Variants in BICD1 observed in about 807,000 individuals in gnomAD.
BICD1 encodes the protein protein bicaudal D homolog 1.
A neutral mutation model predicts 92.5 loss-of-function variants in BICD1; 35 were observed. That is an observed-to-expected ratio of 0.38 (90% CI 0.29 to 0.50). BICD1 has a LOEUF of 0.50. Ranked by LOEUF, BICD1 falls within the 20% of genes least tolerant of loss-of-function variation. The pLI is 0.93. For synonymous variants in BICD1, 429 were observed against 465.1 expected (o/e 0.92, Z 1.00); for missense variants, 950 against 1,189.8 (o/e 0.80, Z 2.97).
At chr12:32,236,872 CT>C (rs57318640) in intron 2 of BICD1, among the ~76,000 whole-genome samples, 14,780 of 89,246 alleles carry the variant, frequency 0.17, 621 homozygotes, top group African/African-American at 0.26. Flanking sequence ...AAGTCTAATT[CT>C]TTTTTTTTTT....
intron 1 of BICD1, among the ~76,000 whole-genome samples, chr12:32,145,260 A>G (rs530156427): frequency 6.6e-6 from 1 of 152,320 alleles, no homozygotes; most frequent in East Asian, 1.9e-4. Context: ...GTCACAGGGA[A>G]GGCTCTGTGA....
intron 3 of BICD1, among the ~76,000 whole-genome samples, chr12:32,295,656 C>CTT (rs142531197): frequency 0.013 from 1,765 of 140,642 alleles, 33 homozygotes; most frequent in African/African-American, 0.037. Context: ...AATTTGATTT[C>CTT]TTTTTTTTTT....
At chr12:32,267,833 T>C (rs906194501) in intron 2 of BICD1, among the ~76,000 whole-genome samples, 4 of 152,228 alleles carry the variant, frequency 2.6e-5, no homozygotes, top group African/African-American at 9.6e-5. Context: ...AGACAGGGTC[T>C]AACTCTGTTG....
At chr12:32,242,555 A>T (rs1359984061) in intron 2 of BICD1, among the ~76,000 whole-genome samples, 1 of 152,162 alleles carries the variant, frequency 6.6e-6, no homozygotes, top group East Asian at 1.9e-4. Context: ...TCACAAAAGA[A>T]AAATTGTATT....
intron 2 of BICD1, among the ~76,000 whole-genome samples, chr12:32,266,487 A>G (rs905181388): frequency 1.3e-5 from 2 of 152,166 alleles, no homozygotes; most frequent in Admixed American, 6.5e-5. Context: ...CCACAACATC[A>G]TCTAAAAGCA....
At chr12:32,321,097 G>T (rs1355485621) in intron 4 of BICD1, among the ~76,000 whole-genome samples, 1 of 152,126 alleles carries the variant, frequency 6.6e-6, no homozygotes, top group Admixed American at 6.5e-5. Flanking sequence ...AGGCCAAGGT[G>T]GGCAGATCAC....
At chr12:32,204,698 A>T (rs184793794) in intron 1 of BICD1, among the ~76,000 whole-genome samples, 2 of 152,312 alleles carry the variant, frequency 1.3e-5, no homozygotes, top group Non-Finnish European at 2.9e-5. Context: ...CATGTTGGAA[A>T]TACTTACACC....
intron 9 of BICD1, among the ~76,000 whole-genome samples, chr12:32,372,702 A>C (rs1200235218): frequency 1.3e-5 from 2 of 151,862 alleles, no homozygotes; most frequent in Non-Finnish European, 2.9e-5. Context: ...AACTTGGTGA[A>C]ACCCTGTCCT....
intron 2 of BICD1, among the ~76,000 whole-genome samples, chr12:32,216,754 CT>C (rs905716587): frequency 2.6e-5 from 4 of 152,202 alleles, no homozygotes; most frequent in African/African-American, 9.7e-5. Context: ...GACCTTAGCA[CT>C]TCCTCCCTGC....
At chr12:32,344,171 C>T (rs1938483575) in intron 8 of BICD1, among the ~76,000 whole-genome samples, 1 of 152,128 alleles carries the variant, frequency 6.6e-6, no homozygotes, top group South Asian at 2.1e-4. Context: ...TGGTTAGGAA[C>T]GTCCTTCCAG....
intron 3 of BICD1, among the ~76,000 whole-genome samples, chr12:32,300,631 ATTTTTTTTTTT>A (rs34219566): frequency 7.1e-4 from 57 of 80,588 alleles, no homozygotes; most frequent in East Asian, 1.2e-3. Context: ...ACTTTACAGT[ATTTTTTTTTTT>A]TTTTTTTTTT....
Position 32,217,076 on chromosome 12 carries a change from A to G in BICD1, c.426+617A>G, listed in dbSNP as rs182471992. 4.7e-3 allele frequency among the ~76,000 whole-genome samples: 716 copies of G among 152,276 alleles called. 4 individuals are homozygous for G. Among genetic ancestry groups the G allele is most frequent in the African/African-American group, 0.016 (684 of 41,546 alleles). On this transcript the variant is annotated intron_variant, in intron 2 of 9. Coordinates refer to ENST00000652176, the MANE Select transcript of BICD1 (RefSeq NM_001714.4). ...CCAAGGCAGCATCACCTGCCATATC[A>G]TTTTCAAACTGGCAGAGTCATCCTT...
chr12:32,330,725 G>T (rs111914687), intron 5 of BICD1, among the ~76,000 whole-genome samples: 29 of 152,206 alleles, frequency 1.9e-4, no homozygotes, highest in African/African-American at 7.0e-4. Context: ...GATTCAGAGT[G>T]GTCATAAATA....
At chr12:32,316,870 A>C (rs1948518537) in intron 4 of BICD1, among the ~76,000 whole-genome samples, 1 of 151,696 alleles carries the variant, frequency 6.6e-6, no homozygotes, top group Admixed American at 6.6e-5. Context: ...CCCACCCCAC[A>C]ACAGTCCCCG....
chr12:32,366,588 G>T (rs1478620942), intron 8 of BICD1, among the ~76,000 whole-genome samples: 3 of 152,238 alleles, frequency 2.0e-5, no homozygotes, highest in African/African-American at 7.2e-5. Flanking sequence ...GGAGGTTGCA[G>T]TGAGCTGAGA....
intron 1 of BICD1, among the ~76,000 whole-genome samples, chr12:32,165,123 T>C (rs1049885650): frequency 6.6e-6 from 1 of 152,018 alleles, no homozygotes; most frequent in African/African-American, 2.4e-5. Flanking sequence ...ACAATAAAGA[T>C]GGATTAGGAA....
At chr12:32,171,986 C>CAT (rs201564098) in intron 1 of BICD1, among the ~76,000 whole-genome samples, 4 of 115,720 alleles carry the variant, frequency 3.5e-5, no homozygotes, top group Middle Eastern at 5.1e-3. Flanking sequence ...CACACACACA[C>CAT]ACACTAAAAC....
chr12:32,340,918 A>T (rs561319188), intron 8 of BICD1, among the ~76,000 whole-genome samples: 125 of 152,254 alleles, frequency 8.2e-4, no homozygotes, highest in African/African-American at 2.8e-3. Context: ...GAGTGAGATC[A>T]CTCAGTTAAA....
intron 1 of BICD1, among the ~76,000 whole-genome samples, chr12:32,186,844 C>T (rs1054339015): frequency 2.0e-5 from 3 of 152,156 alleles, no homozygotes; most frequent in Non-Finnish European, 4.4e-5. Flanking sequence ...TCCTGGAAAC[C>T]ATTTAGAGGT....
Sources: gnomAD v4.1 joint callset for allele counts (sites outside exome capture counted in the v4.1 genomes callset) on GRCh38, gnomAD v4.1.1 for gene constraint, MANE v1.5 for transcripts, NCBI Gene and HGNC (gene_info 2026-07-23, HGNC 2026-07-21) for gene names.